The following ZCCHC4 variants were observed in gnomAD, a reference collection of about 807,000 sequenced individuals.
ZCCHC4 encodes the protein rRNA N(6)-adenosine-methyltransferase ZCCHC4.
A neutral mutation model predicts 67.7 loss-of-function variants in ZCCHC4; 54 were observed. The observed-to-expected ratio is 0.80, with a 90% CI of 0.64 to 1.00. The LOEUF is 1.00. Ranked by LOEUF, ZCCHC4 falls within the 50% of genes least tolerant of loss-of-function variation. ZCCHC4 has a pLI of 0.00. For synonymous variants in ZCCHC4, 198 were observed against 213.5 expected, an observed-to-expected ratio of 0.93 and a Z score of 0.63; for missense variants, 609 against 617.0, an observed-to-expected ratio of 0.99 and a Z score of 0.14.
At chr4:25,325,465 T>C (rs1473817543) in intron 3 of ZCCHC4, among the ~76,000 whole-genome samples, 1 of 151,942 alleles carries the variant, frequency 6.6e-6, no homozygotes, top group African/African-American at 2.4e-5. Flanking sequence ...TGTTTCACCA[T>C]GTTGGCCAGG....
chr4:25,338,736 TC>T (rs1376451469), intron 5 of ZCCHC4, among the ~76,000 whole-genome samples: 1 of 152,244 alleles, frequency 6.6e-6, no homozygotes, highest in Non-Finnish European at 1.5e-5. Flanking sequence ...AGTACTTCAT[TC>T]CTTTTTTTGG....
chr4:25,360,208 A>T (rs972979034), intron 8 of ZCCHC4, among the ~76,000 whole-genome samples: 1 of 152,220 alleles, frequency 6.6e-6, no homozygotes, highest in Admixed American at 6.5e-5. Context: ...CTAACCTCTG[A>T]TTCTCTTGCA....
chr4:25,331,659 T>C (rs925203677), intron 3 of ZCCHC4, among the ~76,000 whole-genome samples: 1 of 152,194 alleles, frequency 6.6e-6, no homozygotes, highest in African/African-American at 2.4e-5. Flanking sequence ...ATTCAGTGTT[T>C]CTGTTGCCGA....
chr4:25,328,972 G>A (rs1719034945), intron 3 of ZCCHC4, among the ~76,000 whole-genome samples: 1 of 152,078 alleles, frequency 6.6e-6, no homozygotes, highest in Non-Finnish European at 1.5e-5. Flanking sequence ...TGGGTCACTT[G>A]AGCCCAGGAG....
chr4:25,313,513 C>T lies in ZCCHC4; in HGVS notation c.128-533C>T, dbSNP rs373052872. Among the ~76,000 whole-genome samples, 3 of 152,132 alleles carry T rather than the reference C, an allele frequency of 2.0e-5. No individual in the cohort carries two copies. In the East Asian group the frequency reaches 5.8e-4, roughly 29 times the overall value. ...CAATAGCATTTTCTTTCTGAAGAGA[C>T]CGGTTTTCAAAAATTATTTATAAGT... is the stretch of plus-strand genomic sequence containing the variant. On this transcript the variant is annotated intron_variant, in intron 1 of 12. Transcript: ENST00000302874.
chr4:25,323,612 C>T (rs1282024536), intron 3 of ZCCHC4, among the ~76,000 whole-genome samples: 1 of 152,146 alleles, frequency 6.6e-6, no homozygotes, highest in Admixed American at 6.6e-5. Flanking sequence ...AGGCAATAAC[C>T]AGACAGAACT....
chr4:25,315,714 T>G (rs543970471), intron 3 of ZCCHC4, among the ~76,000 whole-genome samples: 914 of 17,912 alleles, frequency 0.051, 13 homozygotes, highest in Admixed American at 0.16. Flanking sequence ...TTTTGTGTGT[T>G]TTTTTTTTTT....
rs906711354 is a variant in ZCCHC4, at chr4:25,324,511, A to G, written c.330-8672A>G. Among the ~76,000 whole-genome samples, 5 of 152,198 alleles carry G rather than the reference A, an allele frequency of 3.3e-5. No individual in the cohort carries two copies. The East Asian group carries it at 5.8e-4, about 18-fold the overall frequency. On this transcript the variant is annotated intron_variant, in intron 3 of 12. Coordinates refer to ENST00000302874, the MANE Select transcript of ZCCHC4 (RefSeq NM_024936.3). Reference sequence around the variant, plus strand: ...TACTGTGTTGTAGAAAAAAGCTGCTATGAACATTTATGTATATGTCCTTGT... The same window carrying G: ...TACTGTGTTGTAGAAAAAAGCTGCTGTGAACATTTATGTATATGTCCTTGT...
At position 25,338,408 on chromosome 4, in the gene ZCCHC4, A is replaced by T. The variant is rs1382370251; in HGVS notation, c.686+4420A>T. 3.3e-5 allele frequency among the ~76,000 whole-genome samples: 5 copies of T among 152,256 alleles called. No individual in the cohort carries two copies. The East Asian group carries it at 9.7e-4, about 29-fold the overall frequency. On this transcript the variant is annotated intron_variant, in intron 5 of 12. Transcript: ENST00000302874. ...TCATGCCCAGCCCATTTCTTTTTTT[A>T]AAATTGAGATATATTTTACATACAT...
intron 2 of ZCCHC4, 133 bp downstream of exon 2, chr4:25,314,297 G>A (rs1314300732): frequency 5.0e-6 from 3 of 595,972 alleles, no homozygotes; most frequent in East Asian, 2.6e-5. Context: ...GAGATACTAT[G>A]TTTGTTGGTT....
Position 25,365,418 on chromosome 4 carries a change from A to G in ZCCHC4, c.1406+252A>G. On this transcript the variant is annotated intron_variant, in intron 12 of 12. Coordinates refer to ENST00000302874, the MANE Select transcript of ZCCHC4 (RefSeq NM_024936.3). Reference sequence around the variant, plus strand: ...TATGAGGTAGAAAGTGGTTAATTTTACCTCTCCTTGGCTTTACGTCTCATG... The same window carrying G: ...TATGAGGTAGAAAGTGGTTAATTTTGCCTCTCCTTGGCTTTACGTCTCATG... 9 of 1,251,612 alleles carry G rather than the reference A, an allele frequency of 7.2e-6. No homozygotes were observed. The South Asian group carries it at 1.7e-4, about 23-fold the overall frequency. The allele number at this position is 1,251,612 out of a possible 1,614,324, so 77.5% of individuals were successfully genotyped here. A position where few individuals can be genotyped will look rare whatever the true frequency, so the allele number is the denominator to read the frequency against.
At chr4:25,364,976 AT>A in intron 11 of ZCCHC4, 45 bp from the exon 12 acceptor site, 1 of 1,609,474 alleles carries the variant, frequency 6.2e-7, no homozygotes, top group South Asian at 1.1e-5. Flanking sequence ...AAGATGAAAA[AT>A]TACGTTACAT....
At chr4:25,333,088 A>G (rs1719266547) in intron 3 of ZCCHC4, 95 bp from the exon 4 acceptor site, 1 of 1,301,112 alleles carries the variant, frequency 7.7e-7, no homozygotes, top group Non-Finnish European at 1.0e-6. Flanking sequence ...TTTAGGAAGT[A>G]AAAATACTTT....
At chr4:25,361,423 G>T (rs1216932365) in intron 8 of ZCCHC4, among the ~76,000 whole-genome samples, 1 of 152,226 alleles carries the variant, frequency 6.6e-6, no homozygotes, top group African/African-American at 2.4e-5. Flanking sequence ...GCATGACTTA[G>T]CAGGTTTGGA....
At chr4:25,325,116 G>A (rs113499371) in intron 3 of ZCCHC4, among the ~76,000 whole-genome samples, 25,980 of 99,052 alleles carry the variant, frequency 0.26, 4,412 homozygotes, top group Non-Finnish European at 0.4. Context: ...GGTAGTGGGC[G>A]CCTGTAGTCC....
intron 3 of ZCCHC4, among the ~76,000 whole-genome samples, chr4:25,324,727 G>A (rs1357301873): frequency 6.6e-6 from 1 of 152,102 alleles, no homozygotes. Context: ...GTTATTATCT[G>A]TCCTTTTAAT....
At chr4:25,318,426 A>G (rs375958025) in intron 3 of ZCCHC4, among the ~76,000 whole-genome samples, 11 of 126,004 alleles carry the variant, frequency 8.7e-5, no homozygotes, top group African/African-American at 3.2e-4. Flanking sequence ...GCGCGATCTC[A>G]TCTCACTGCC....
At chr4:25,338,840 AT>A (rs1415791077) in intron 5 of ZCCHC4, among the ~76,000 whole-genome samples, 1 of 152,188 alleles carries the variant, frequency 6.6e-6, no homozygotes, top group Non-Finnish European at 1.5e-5. Context: ...TTTGGCTATT[AT>A]GAATAATACT....
intron 6 of ZCCHC4, among the ~76,000 whole-genome samples, chr4:25,348,882 A>G (rs178427): frequency 0.23 from 35,481 of 152,060 alleles, 5,299 homozygotes; most frequent in African/African-American, 0.42. Flanking sequence ...ATTACTAAAA[A>G]AGCTTAAATT....
Sources: gnomAD v4.1 joint callset for allele counts (sites outside exome capture counted in the v4.1 genomes callset) on GRCh38, gnomAD v4.1.1 for gene constraint, MANE v1.5 for transcripts, NCBI Gene and HGNC (gene_info 2026-07-23, HGNC 2026-07-21) for gene names.